The following NEGR1 variants were observed in gnomAD, a reference collection of about 807,000 sequenced individuals.
NEGR1 encodes the protein IgLON family member 4.
A neutral mutation model predicts 40.9 loss-of-function variants in NEGR1; 10 were observed. The observed-to-expected ratio is 0.24, with a 90% CI of 0.15 to 0.42. The LOEUF (loss-of-function observed/expected upper bound fraction) is 0.42, where lower values mean the gene tolerates loss of function less well. Among genes scored for constraint, NEGR1 ranks in the 10% least tolerant of loss-of-function variants. The probability of loss-of-function intolerance (pLI) is 1.00; values close to 1 mark genes in which losing one functional copy is unlikely to be tolerated. For synonymous variants in NEGR1, 185 were observed against 166.8 expected (o/e 1.11, Z -0.84); for missense variants, 352 against 438.9 (o/e 0.80, Z 1.77).
At chr1:72,262,766 G>A (rs531792994) in intron 1 of NEGR1, among the ~76,000 whole-genome samples, 22 of 151,656 alleles carry the variant, frequency 1.5e-4, no homozygotes, top group Admixed American at 3.3e-4. Flanking sequence ...AAAATTATTC[G>A]CAACAGCATA....
chr1:71,608,055 G>A (rs754225715), intron 5 of NEGR1, among the ~76,000 whole-genome samples: 4 of 152,160 alleles, frequency 2.6e-5, no homozygotes, highest in East Asian at 3.8e-4. Flanking sequence ...CATAGTGAGC[G>A]CAACCATTCA....
intron 1 of NEGR1, among the ~76,000 whole-genome samples, chr1:72,194,019 T>C (rs142009847): frequency 1.7e-3 from 256 of 151,960 alleles, no homozygotes; most frequent in African/African-American, 5.7e-3. Context: ...AACAACTTTA[T>C]ACAAAATTTT....
At chr1:71,936,679 T>C (rs1220322887) in intron 1 of NEGR1, among the ~76,000 whole-genome samples, 3 of 152,146 alleles carry the variant, frequency 2.0e-5, no homozygotes, top group African/African-American at 7.2e-5. Context: ...AGAGATGGAA[T>C]TGGAGAAATA....
intron 4 of NEGR1, among the ~76,000 whole-genome samples, chr1:71,627,754 T>C (rs1650834353): frequency 6.6e-6 from 1 of 152,036 alleles, no homozygotes; most frequent in Non-Finnish European, 1.5e-5. Context: ...AAGTTATTCA[T>C]TCTCAAAATC....
At chr1:71,761,494 T>C (rs1655939921) in intron 3 of NEGR1, among the ~76,000 whole-genome samples, 1 of 152,214 alleles carries the variant, frequency 6.6e-6, no homozygotes. Context: ...CTATTTTGTA[T>C]TCTTGATTGA....
intron 3 of NEGR1, among the ~76,000 whole-genome samples, chr1:71,734,638 C>CCTTT: frequency 6.6e-6 from 1 of 152,074 alleles, no homozygotes; most frequent in Non-Finnish European, 1.5e-5. Flanking sequence ...CCCCATCTTT[C>CCTTT]TTTTTCTCCT....
At chr1:72,096,817 C>T (rs971079620) in intron 1 of NEGR1, among the ~76,000 whole-genome samples, 4 of 152,030 alleles carry the variant, frequency 2.6e-5, no homozygotes, top group Non-Finnish European at 4.4e-5. Flanking sequence ...CCCGCCACAA[C>T]GCCCGGCTAT....
In NEGR1 at chr1:72,135,060, C is replaced by A. The variant is rs906564064; in HGVS notation, c.176+147259G>T. ...CCCGAGATTGAATTTATAAAGTAAC[C>A]AAAACAATCAGACAGTATGTAAGAA... On this transcript the variant is annotated intron_variant, in intron 1 of 6. Transcript: ENST00000357731. 5.4e-5 allele frequency among the ~76,000 whole-genome samples: 8 copies of A among 149,470 alleles called. No individual in the cohort carries two copies. The East Asian group carries it at 1.7e-3, about 31-fold the overall frequency.
chr1:71,857,457 CAA>C (rs34177437), intron 2 of NEGR1, among the ~76,000 whole-genome samples: 3,440 of 77,618 alleles, frequency 0.044, 48 homozygotes, highest in South Asian at 0.16. Context: ...ACAAAAAATA[CAA>C]AAAAAAAAAA....
chr1:71,580,401 T>A (rs1649095811), intron 6 of NEGR1, among the ~76,000 whole-genome samples: 1 of 152,108 alleles, frequency 6.6e-6, no homozygotes, highest in South Asian at 2.1e-4. Flanking sequence ...GGCACATGTA[T>A]ACATATGTAA....
At chr1:72,078,342 C>T (rs2100522826) in intron 1 of NEGR1, among the ~76,000 whole-genome samples, 1 of 152,204 alleles carries the variant, frequency 6.6e-6, no homozygotes, top group South Asian at 2.1e-4. Flanking sequence ...TCTGAACACA[C>T]TGTCTTTCAA....
At chr1:72,234,554 A>G (rs1340745995) in intron 1 of NEGR1, among the ~76,000 whole-genome samples, 1 of 152,150 alleles carries the variant, frequency 6.6e-6, no homozygotes, top group Non-Finnish European at 1.5e-5. Context: ...AATATCCAGT[A>G]TCTATAAGGA....
intron 1 of NEGR1, among the ~76,000 whole-genome samples, chr1:72,275,777 G>A (rs1482873121): frequency 6.6e-6 from 1 of 152,068 alleles, no homozygotes; most frequent in African/African-American, 2.4e-5. Flanking sequence ...TTTTACAGAA[G>A]TAAACGAGAA....
At chr1:71,743,083 A>G (rs1655268842) in intron 3 of NEGR1, among the ~76,000 whole-genome samples, 1 of 152,198 alleles carries the variant, frequency 6.6e-6, no homozygotes. Context: ...GGCCCTCACC[A>G]GGAACCAAAA....
chr1:72,219,206 T>A (rs1451493966), intron 1 of NEGR1, among the ~76,000 whole-genome samples: 2 of 152,052 alleles, frequency 1.3e-5, no homozygotes, highest in Admixed American at 6.6e-5. Flanking sequence ...CAAGCATTGC[T>A]GGCTATAAAA....
chr1:71,730,877 CGTGTGTGTGTGTGTGT>C lies in NEGR1; in HGVS notation c.536-32754_536-32739del, dbSNP rs59873481. ...TATGCTACTGGTGTAGTGAAGCATTCGTGTGTGTGTGTGTGTGTGTGTGTGTGTGTGTGTGTGTGTG... is the reference window on the plus strand; with the variant it reads ...TATGCTACTGGTGTAGTGAAGCATTCGTGTGTGTGTGTGTGTGTGTGTGTG... On this transcript the variant is annotated intron_variant, in intron 3 of 6. Transcript: ENST00000357731. 3.2e-4 allele frequency among the ~76,000 whole-genome samples: 42 copies of C among 130,072 alleles called. 1 individual carries two copies. The South Asian group carries it at 3.4e-3, about 11-fold the overall frequency. 85.3% of individuals were successfully genotyped at this position (130,072 alleles called of 152,430 possible).
intron 1 of NEGR1, among the ~76,000 whole-genome samples, chr1:72,052,756 T>G (rs1185616700): frequency 6.6e-6 from 1 of 151,526 alleles, no homozygotes; most frequent in East Asian, 1.9e-4. Flanking sequence ...GTGAAACATT[T>G]TATAAAAGTT....
intron 2 of NEGR1, among the ~76,000 whole-genome samples, chr1:71,921,703 AATAT>A (rs61614174): frequency 0.17 from 22,683 of 133,808 alleles, 2,143 homozygotes; most frequent in East Asian, 0.37. Context: ...ACAGTACAAG[AATAT>A]ATATATATAT....
intron 6 of NEGR1, among the ~76,000 whole-genome samples, chr1:71,545,624 T>C (rs1203098813): frequency 6.6e-6 from 1 of 151,644 alleles, no homozygotes; most frequent in Admixed American, 6.6e-5. Context: ...TGGACTGTGA[T>C]GTTTTTCAGA....
Sources: allele counts gnomAD v4.1 joint callset (sites outside exome capture counted in the v4.1 genomes callset), GRCh38; gene constraint gnomAD v4.1.1; transcripts MANE v1.5; gene names NCBI Gene and HGNC (gene_info 2026-07-23, HGNC 2026-07-21).